Variants in CDYL observed in about 807,000 individuals in gnomAD.
The protein encoded by CDYL is chromodomain Y-like protein.
Under a neutral mutation model 47.3 loss-of-function variants are expected in CDYL, and 8 were observed. The ratio of observed to expected loss-of-function variants is 0.17; its 90% confidence interval spans 0.10 to 0.31. CDYL has a LOEUF of 0.31. CDYL is among the 10% of genes least tolerant of loss of function. The pLI is 1.00. For missense variants in CDYL, 471 were observed against 701.4 expected, an observed-to-expected ratio of 0.67 and a Z score of 3.71; for synonymous variants, 266 against 265.0, an observed-to-expected ratio of 1.00 and a Z score of -0.04.
chr6:4,861,460 C>T (rs996723048), intron 1 of CDYL, among the ~76,000 whole-genome samples: 1 of 152,196 alleles, frequency 6.6e-6, no homozygotes, highest in Non-Finnish European at 1.5e-5. Flanking sequence ...TCCACTTCCC[C>T]GCATCAGATG....
chr6:4,739,680 G>T (rs1024761664), intron 3 of CDYL, among the ~76,000 whole-genome samples: 1 of 152,080 alleles, frequency 6.6e-6, no homozygotes, highest in Non-Finnish European at 1.5e-5. Context: ...GAGGCCGGGC[G>T]TGGTGGCTCA....
intron 2 of CDYL, among the ~76,000 whole-genome samples, chr6:4,725,863 C>T (rs906320442): frequency 1.3e-5 from 2 of 152,232 alleles, no homozygotes; most frequent in African/African-American, 2.4e-5. Flanking sequence ...ACGCTGTCAC[C>T]TCTCACTCTT....
chr6:4,906,383 G>T (rs1757237697), intron 2 of CDYL, among the ~76,000 whole-genome samples: 1 of 152,218 alleles, frequency 6.6e-6, no homozygotes, highest in South Asian at 2.1e-4. Context: ...TTATCAGCTA[G>T]GTGAGTGCGG....
rs1001738113 is a variant in CDYL at position 4,778,662 on chromosome 6, GTTTTA to G, written c.24+1861_24+1865del. On this transcript the variant is annotated intron_variant, in intron 1 of 6. Transcript: ENST00000397588. ...TGCACAATTGAACTTTTGATTCTGA[GTTTTA>G]TTTTAGTTTTGGAAAAAAAGGTATT... 5.3e-5 allele frequency among the ~76,000 whole-genome samples: 8 copies of G among 152,172 alleles called. No homozygotes were observed. In the South Asian group the frequency reaches 6.2e-4, roughly 12 times the overall value.
chr6:4,777,538 C>G (rs1489524388), intron 1 of CDYL, among the ~76,000 whole-genome samples: 1 of 152,134 alleles, frequency 6.6e-6, no homozygotes, highest in African/African-American at 2.4e-5. Context: ...CTTCTTTTGA[C>G]GTATTTCAAA....
At chr6:4,900,821 ATATATATATCT>A (rs1757023683) in intron 2 of CDYL, among the ~76,000 whole-genome samples, 2 of 87,306 alleles carry the variant, frequency 2.3e-5, no homozygotes, top group Admixed American at 1.1e-4. Context: ...ATATATATAT[ATATATATATCT>A]TGCCTGTTTT....
In CDYL at chr6:4,926,305, C is replaced by T. The variant is rs543570589; in HGVS notation, c.692-9210C>T. Among the ~76,000 whole-genome samples, 8 of 152,108 alleles carry T rather than the reference C, an allele frequency of 5.3e-5. No homozygotes were observed. In the South Asian group the frequency reaches 6.2e-4, roughly 12 times the overall value. ...GGTTTTGTATAGGTGAATAGGATTA[C>T]GTTCAATATATGTAAATAACAATAT... On this transcript the variant is annotated intron_variant, in intron 2 of 6. Coordinates refer to ENST00000397588, the MANE Select transcript of CDYL (RefSeq NM_004824.4).
intron 2 of CDYL, among the ~76,000 whole-genome samples, chr6:4,911,017 T>A (rs1757399257): frequency 6.6e-6 from 1 of 152,158 alleles, no homozygotes; most frequent in Non-Finnish European, 1.5e-5. Context: ...TTTTGTATTT[T>A]TTAGTAGAGA....
At chr6:4,900,809 ATATATATATATATATATATATCT>A (rs752283549) in intron 2 of CDYL, among the ~76,000 whole-genome samples, 35 of 95,876 alleles carry the variant, frequency 3.7e-4, no homozygotes, top group South Asian at 1.1e-3. Flanking sequence ...ATATATATAT[ATATATATATATATATATATATCT>A]TGCCTGTTTT....
At chr6:4,944,005 C>G (rs952619998) in intron 5 of CDYL, among the ~76,000 whole-genome samples, 2 of 152,026 alleles carry the variant, frequency 1.3e-5, no homozygotes, top group African/African-American at 4.8e-5. Flanking sequence ...TAGTAAATAC[C>G]CAATCAGTAA....
upstream of CDYL, among the ~76,000 whole-genome samples, chr6:4,772,046 T>G (rs1489067928): frequency 6.6e-6 from 1 of 152,222 alleles, no homozygotes; most frequent in Admixed American, 6.5e-5. Flanking sequence ...TTACAAGGAT[T>G]CTCTTGGTAG....
At chr6:4,807,960 A>G (rs1046165779) in intron 1 of CDYL, among the ~76,000 whole-genome samples, 1 of 151,882 alleles carries the variant, frequency 6.6e-6, no homozygotes, top group Non-Finnish European at 1.5e-5. Context: ...ATTATAATCC[A>G]GTATTCTTAT....
intron 1 of CDYL, among the ~76,000 whole-genome samples, chr6:4,858,746 A>T (rs1761083557): frequency 6.6e-6 from 1 of 152,142 alleles, no homozygotes; most frequent in East Asian, 1.9e-4. Context: ...AGACTATTAG[A>T]CTGTGTGAGT....
At chr6:4,792,290 G>T (rs558221955) in intron 1 of CDYL, among the ~76,000 whole-genome samples, 1 of 151,782 alleles carries the variant, frequency 6.6e-6, no homozygotes, top group African/African-American at 2.4e-5. Context: ...GTATATAATA[G>T]ATTCTAATCT....
intron 2 of CDYL, among the ~76,000 whole-genome samples, chr6:4,726,961 TA>T (rs1757525557): frequency 6.6e-6 from 1 of 152,164 alleles, no homozygotes; most frequent in African/African-American, 2.4e-5. Flanking sequence ...CAAAAATACC[TA>T]ACACTAAGTA....
At chr6:4,816,486 T>TTTTC (rs1202569016) in intron 1 of CDYL, among the ~76,000 whole-genome samples, 14 of 149,460 alleles carry the variant, frequency 9.4e-5, no homozygotes, top group South Asian at 4.2e-4. Flanking sequence ...TTTGATTTAT[T>TTTTC]TTTCTTTCTT....
At chr6:4,741,074 A>T (rs1402739319) in intron 3 of CDYL, among the ~76,000 whole-genome samples, 3 of 152,198 alleles carry the variant, frequency 2.0e-5, no homozygotes, top group Non-Finnish European at 4.4e-5. Flanking sequence ...GGTGTGAGCC[A>T]ACACACCTAG....
At chr6:4,911,072 C>T (rs1259297334) in intron 2 of CDYL, among the ~76,000 whole-genome samples, 2 of 152,172 alleles carry the variant, frequency 1.3e-5, no homozygotes, top group Non-Finnish European at 2.9e-5. Flanking sequence ...GTGATCCACC[C>T]GCCTTGGCCT....
chr6:4,820,480 CCT>C (rs141782191), intron 1 of CDYL, among the ~76,000 whole-genome samples: 1 of 151,354 alleles, frequency 6.6e-6, no homozygotes, highest in Non-Finnish European at 1.5e-5. Context: ...CTGCTATTTT[CCT>C]CTCTCTCTCT....
Sources: gnomAD v4.1 joint callset for allele counts (sites outside exome capture counted in the v4.1 genomes callset) on GRCh38, gnomAD v4.1.1 for gene constraint, MANE v1.5 for transcripts, NCBI Gene and HGNC (gene_info 2026-07-23, HGNC 2026-07-21) for gene names.